KISS1R: variants seen among roughly 807,000 people sequenced by gnomAD.
KISS1R encodes KISS1 receptor.
In KISS1R, 19 loss-of-function variants were observed where a neutral mutation model predicts 22.0. The observed-to-expected ratio is 0.86, with a 90% CI of 0.60 to 1.26. The LOEUF is 1.26. Ranked by LOEUF, KISS1R falls within the 50% of genes most tolerant of loss-of-function variation. KISS1R has a pLI of 0.00. For synonymous variants in KISS1R, 302 were observed against 283.9 expected, an observed-to-expected ratio of 1.06 and a Z score of -0.64; for missense variants, 653 against 581.9, an observed-to-expected ratio of 1.12 and a Z score of -1.26.
At position 919,536 on chromosome 19, in the gene KISS1R, A is replaced by G. The variant is rs2145319866; in HGVS notation, c.416A>G (p.Asp139Gly). Reference sequence around the variant, plus strand: ...GCCACTCTGACCGCCATGAGTGTGGACCGCTGGTACGTGACGGTGTTCCCG... The same window carrying G: ...GCCACTCTGACCGCCATGAGTGTGGGCCGCTGGTACGTGACGGTGTTCCCG... ...TCATLTAMSV[D>G]RWYVTVFPLR... The change falls in exon 3 of 5, where the codon GAC becomes GGC. Residue 139 changes from aspartate to glycine, a missense_variant. By Grantham distance (94) the Asp-to-Gly change is moderately conservative (BLOSUM62 -1). Coordinates refer to ENST00000234371, the MANE Select transcript of KISS1R (RefSeq NM_032551.5). 1 of 1,562,936 alleles carries G rather than the reference A, an allele frequency of 6.4e-7. No individual in the cohort carries two copies. Among genetic ancestry groups the G allele is most frequent in the Non-Finnish European group, 8.6e-7 (1 of 1,158,584 alleles).
Position 920,546 on chromosome 19 carries a change from A to T in KISS1R, c.995A>T (p.Gln332Leu). ...GCCTTCCTGGGCTCGCACTTCCGAC[A>T]GGCCTTCCGCCGCGTCTGCCCCTGC... ...LYAFLGSHFR[Q>L]AFRRVCPCAP... Residue 332 changes from glutamine to leucine, a missense_variant, in exon 5 of 5, where the codon CAG becomes CTG. Coordinates refer to ENST00000234371, the MANE Select transcript of KISS1R (RefSeq NM_032551.5). 6.3e-7 allele frequency: 1 copy of T among 1,588,174 alleles called. No homozygotes were observed. The highest frequency in any genetic ancestry group is 8.5e-7 in the Non-Finnish European group (1 of 1,171,192).
Position 918,610 on chromosome 19 carries a change from C to T in KISS1R, c.311C>T (p.Pro104Leu), listed in dbSNP as rs1376019387. The T allele has an allele frequency of 1.3e-6, 2 of 1,551,512 alleles. No individual in the cohort carries two copies. Among genetic ancestry groups the T allele is most frequent in the Non-Finnish European group, 1.7e-6 (2 of 1,147,254 alleles). Residue 104 changes from proline (P) to leucine (L), a missense_variant, in exon 2 of 5, where the codon CCG becomes CTG. Physicochemically the swap from Pro to Leu is moderately conservative, Grantham distance 98. Coordinates refer to ENST00000234371, the MANE Select transcript of KISS1R (RefSeq NM_032551.5). ...CCVPFTALLY[P>L]LPGWVLGDFM... is the part of the protein sequence containing the mutation. ...GTCCCCTTCACGGCCCTGCTGTACC[C>T]GCTGCCCGGCTGGGTGCTGGGCGAC...
chr19:920,149 G>A (rs1466387057), intron 4 of KISS1R, 43 bp downstream of exon 4: 1 of 1,474,064 alleles, frequency 6.8e-7, no homozygotes, highest in Non-Finnish European at 8.9e-7. Context: ...GGGCGGGCGG[G>A]GAGGCACCGT....
chr19:919,397 T>C (rs1038578296), intron 2 of KISS1R, 93 bp from the exon 3 acceptor site: 1 of 1,505,452 alleles, frequency 6.6e-7, no homozygotes, highest in Non-Finnish European at 8.9e-7. Context: ...TGTGCCTGAG[T>C]GTTCGCACAC....
chr19:917,391 C>A lies in KISS1R; in HGVS notation c.-112C>A, dbSNP rs2037064070. The A allele has an allele frequency of 7.9e-7, 1 of 1,258,330 alleles. No individual in the cohort carries two copies. The highest frequency in any genetic ancestry group is 3.1e-5 in the East Asian group (1 of 32,734). 77.9% of individuals were successfully genotyped at this position (1,258,330 alleles called of 1,614,324 possible). A position where few individuals can be genotyped will look rare whatever the true frequency, so the allele number is the denominator to read the frequency against. ...TGGACCCTGCGGACCCCAGCCGAGC[C>A]CCTTCCTGAGTTCCACAGGCGCAGC... On this transcript the variant is annotated 5_prime_UTR_variant, in exon 1 of 5. Coordinates refer to ENST00000234371, the MANE Select transcript of KISS1R (RefSeq NM_032551.5).
chr19:918,815 G>T lies in KISS1R; in HGVS notation c.369+147G>T, dbSNP rs572251897. ...GGGGATCGTACGTGGGGACGGGGAG[G>T]GGGGGTGCGCTGCGGAGCAGGAGGG... On this transcript the variant is annotated intron_variant, in intron 2 of 4. Transcript: ENST00000234371. 1.2e-4 allele frequency: 96 copies of T among 777,396 alleles called. 1 individual carries two copies. In the South Asian group the frequency reaches 1.6e-3, roughly 13 times the overall value. The allele number at this position is 777,396 out of a possible 1,614,324, so 48.2% of individuals were successfully genotyped here.
intron 2 of KISS1R, 44 bp from the exon 3 acceptor site, chr19:919,446 C>A: frequency 6.5e-7 from 1 of 1,537,476 alleles, no homozygotes; most frequent in Non-Finnish European, 8.7e-7. Context: ...GGGCAGGCTC[C>A]CAACCGCGCA....
chr19:919,631 T>C lies in KISS1R; in HGVS notation c.505+6T>C. The C allele has an allele frequency of 6.5e-7, 1 of 1,547,798 alleles. No homozygotes were observed. Among genetic ancestry groups the C allele is most frequent in the South Asian group, 1.2e-5 (1 of 84,594 alleles). ...CAGCCTCAGCATCTGGGTAGGTGAG[T>C]ACAGCTCAGGGGCCTCACGGGAGAA... On this transcript the variant is annotated splice_donor_region_variant and intron_variant, in intron 3 of 4. Transcript: ENST00000234371.
At chr19:918,425 C>T in intron 1 of KISS1R, 119 bp from the exon 2 acceptor site, 1 of 1,257,506 alleles carries the variant, frequency 8.0e-7, no homozygotes, top group Non-Finnish European at 1.1e-6. Context: ...GGGGGCCTCC[C>T]TGAGCCATCC....
chr19:920,022 C>T lies in KISS1R; in HGVS notation c.654C>T (p.Leu218=). The T allele has an allele frequency of 1.9e-6, 3 of 1,541,830 alleles. No homozygotes were observed. Among genetic ancestry groups the T allele is most frequent in the Non-Finnish European group, 2.6e-6 (3 of 1,146,880 alleles). Residue 218 remains leucine (L), a synonymous_variant, in exon 4 of 5, where the codon CTC becomes CTT. Transcript: ENST00000234371. ...NLLALYLLPL[L]ATCACYAAML... ...TGGCGCTGTACCTGCTGCCGCTGCT[C>T]GCCACCTGCGCCTGCTATGCGGCCA...
chr19:920,469 C>T lies in KISS1R; in HGVS notation c.918C>T (p.Thr306=), dbSNP rs781670635. ...GCTACGCCGCCTACGCGCTTAAGAC[C>T]TGGGCTCACTGCATGTCCTACAGCA... is the stretch of plus-strand genomic sequence containing the variant. ...PRSYAAYALK[T]WAHCMSYSNS... Residue 306 remains threonine (T), a synonymous_variant, in exon 5 of 5, where the codon ACC becomes ACT. Transcript: ENST00000234371. 1.5e-5 allele frequency: 24 copies of T among 1,611,306 alleles called. No individual in the cohort carries two copies. Among genetic ancestry groups the T allele is most frequent in the Non-Finnish European group, 1.9e-5 (22 of 1,179,266 alleles).
intron 3 of KISS1R, 45 bp downstream of exon 3, chr19:919,670 T>C: frequency 6.5e-7 from 1 of 1,539,442 alleles, no homozygotes. Context: ...GGACACGTCC[T>C]AGTGCCCTGG....
chr19:917,588 C>T lies in KISS1R; in HGVS notation c.86C>T (p.Ala29Val). Residue 29 changes from alanine (A) to valine (V), a missense_variant, in exon 1 of 5, where the codon GCC becomes GTC. Coordinates refer to ENST00000234371, the MANE Select transcript of KISS1R (RefSeq NM_032551.5). ...ASGCPGCGAN[A>V]SDGPVPSPRA... ...GGCTGCCCGGGCTGTGGCGCCAACG[C>T]CTCGGACGGCCCAGTCCCTTCGCCG... is the stretch of plus-strand genomic sequence containing the variant. 1 of 1,543,348 alleles carries T rather than the reference C, an allele frequency of 6.5e-7. No homozygotes were observed. Among genetic ancestry groups the T allele is most frequent in the Non-Finnish European group, 8.7e-7 (1 of 1,148,142 alleles).
At position 920,032 on chromosome 19, in the gene KISS1R, G is replaced by T. The variant is rs2037102422; in HGVS notation, c.664G>T (p.Ala222Ser). The T allele has an allele frequency of 6.5e-7, 1 of 1,539,506 alleles. No homozygotes were observed. Reference sequence around the variant, plus strand: ...CCTGCTGCCGCTGCTCGCCACCTGCGCCTGCTATGCGGCCATGCTGCGCCA... The same window carrying T: ...CCTGCTGCCGCTGCTCGCCACCTGCTCCTGCTATGCGGCCATGCTGCGCCA... The part of the protein sequence containing the change: ...LYLLPLLATC[A>S]CYAAMLRHLG... Residue 222 changes from alanine to serine, a missense_variant, in exon 4 of 5, where the codon GCC becomes TCC. Coordinates refer to ENST00000234371, the MANE Select transcript of KISS1R (RefSeq NM_032551.5).
At position 917,481 on chromosome 19, in the gene KISS1R, G is replaced by A. The variant is rs2037065331; in HGVS notation, c.-22G>A. ...AGGGCGCAATCCTGGAGGGCGGCCG[G>A]GAGGAGGAGGTGCGCGCGGCCATGC... On this transcript the variant is annotated 5_prime_UTR_variant, in exon 1 of 5. Transcript: ENST00000234371. 2.1e-6 allele frequency: 3 copies of A among 1,443,610 alleles called. No individual in the cohort carries two copies. The highest frequency in any genetic ancestry group is 3.0e-5 in the African/African-American group (2 of 67,176). The allele number at this position is 1,443,610 out of a possible 1,614,324, so 89.4% of individuals were successfully genotyped here. A position where few individuals can be genotyped will look rare whatever the true frequency, so the allele number is the denominator to read the frequency against.
chr19:920,761 G>A lies in KISS1R; in HGVS notation c.*13G>A. 1 of 1,270,716 alleles carries A rather than the reference G, an allele frequency of 7.9e-7. No individual in the cohort carries two copies. The highest frequency in any genetic ancestry group is 9.9e-7 in the Non-Finnish European group (1 of 1,009,152). 78.7% of individuals were successfully genotyped at this position (1,270,716 alleles called of 1,614,324 possible). ...CGCCCCTCTCTGAGCGGACCCGGTG[G>A]GAATCCGAGCGGCTCCCTCGGGAGC... On this transcript the variant is annotated 3_prime_UTR_variant, in exon 5 of 5. Transcript: ENST00000234371.
In KISS1R at chr19:919,497, T is replaced by A. The variant is rs774170906; in HGVS notation, c.377T>A (p.Val126Glu). The change falls in exon 3 of 5, where the codon GTG (valine) becomes GAG (glutamate). Residue 126 changes from valine (V) to glutamate (E), a missense_variant. Physicochemically the swap from Val to Glu is moderately radical, Grantham distance 121. Coordinates refer to ENST00000234371, the MANE Select transcript of KISS1R (RefSeq NM_032551.5). ...KFVNYIQQVS[V>E]QATCATLTAM... ...GGCTGGCGGCTCCCGCAGGTCTCGGTGCAGGCCACGTGTGCCACTCTGACC... is the reference window on the plus strand; with the variant it reads ...GGCTGGCGGCTCCCGCAGGTCTCGGAGCAGGCCACGTGTGCCACTCTGACC... 2 of 1,551,592 alleles carry A rather than the reference T, an allele frequency of 1.3e-6. No homozygotes were observed. Among genetic ancestry groups the A allele is most frequent in the African/African-American group, 2.7e-5 (2 of 73,666 alleles).
At position 917,642 on chromosome 19, in the gene KISS1R, T is replaced by A. The variant is rs1173327814; in HGVS notation, c.140T>A (p.Leu47His). 3 of 1,587,746 alleles carry A rather than the reference T, an allele frequency of 1.9e-6. No individual in the cohort carries two copies. Residue 47 changes from leucine (L) to histidine (H), a missense_variant, in exon 1 of 5, where the codon CTC becomes CAC. Physicochemically the swap from Leu to His is moderately conservative, Grantham distance 99 (BLOSUM62 -3). Coordinates refer to ENST00000234371, the MANE Select transcript of KISS1R (RefSeq NM_032551.5). ...GCCGTGGACGCCTGGCTCGTGCCGC[T>A]CTTCTTCGCGGCGCTGATGCTGCTG... Reference protein sequence around the residue: ...PRAVDAWLVPLFFAALMLLGL... With the variant: ...PRAVDAWLVPHFFAALMLLGL...
intron 4 of KISS1R, 46 bp downstream of exon 4, chr19:920,152 G>A (rs1398291242): frequency 1.2e-5 from 17 of 1,473,954 alleles, no homozygotes; most frequent in Non-Finnish European, 1.5e-5. Context: ...CGGGCGGGGA[G>A]GCACCGTGGT....
Sources: gnomAD v4.1 joint callset for allele counts on GRCh38, gnomAD v4.1.1 for gene constraint, MANE v1.5 for transcripts, NCBI Gene and HGNC (gene_info 2026-07-23, HGNC 2026-07-21) for gene names.